RALGAPA1: variants seen among roughly 807,000 people sequenced by gnomAD.
RALGAPA1 encodes Ral GTPase activating protein catalytic subunit alpha 1.
Under a neutral mutation model 269.6 loss-of-function variants are expected in RALGAPA1, and 52 were observed. That is an observed-to-expected ratio of 0.19 (90% CI 0.15 to 0.24). The LOEUF (loss-of-function observed/expected upper bound fraction) is 0.24, where lower values mean the gene tolerates loss of function less well. Ranked by LOEUF, RALGAPA1 falls within the 10% of genes least tolerant of loss-of-function variation. The probability of loss-of-function intolerance (pLI) is 1.00; values close to 1 mark genes in which losing one functional copy is unlikely to be tolerated. For synonymous variants in RALGAPA1, 817 were observed against 1,008.3 expected, an observed-to-expected ratio of 0.81 and a Z score of 3.60; for missense variants, 1,917 against 3,013.9, an observed-to-expected ratio of 0.64 and a Z score of 8.52.
chr14:35,648,622 C>G (rs535711405), intron 31 of RALGAPA1, among the ~76,000 whole-genome samples: 1 of 151,262 alleles, frequency 6.6e-6, no homozygotes, highest in African/African-American at 2.4e-5. Flanking sequence ...GGCAACATAG[C>G]AAAACCCCAT....
intron 3 of RALGAPA1, among the ~76,000 whole-genome samples, chr14:35,773,069 A>G (rs2074756720): frequency 6.6e-6 from 1 of 152,234 alleles, no homozygotes; most frequent in South Asian, 2.1e-4. Context: ...AAAGAGATAA[A>G]CTTATAGAAA....
chr14:35,587,381 A>G (rs187313799), intron 37 of RALGAPA1, among the ~76,000 whole-genome samples: 3 of 152,330 alleles, frequency 2.0e-5, no homozygotes, highest in Middle Eastern at 3.4e-3. Flanking sequence ...GTATACCCAA[A>G]GAAGTATAAA....
At chr14:35,636,380 G>C (rs2061665054) in intron 31 of RALGAPA1, among the ~76,000 whole-genome samples, 1 of 152,070 alleles carries the variant, frequency 6.6e-6, no homozygotes, top group Non-Finnish European at 1.5e-5. Flanking sequence ...TCCAACTCAA[G>C]TAATTCTGGT....
intron 12 of RALGAPA1, among the ~76,000 whole-genome samples, chr14:35,730,254 G>GCAGGC (rs2070350991): frequency 1.3e-5 from 2 of 152,194 alleles, no homozygotes; most frequent in South Asian, 4.1e-4. Flanking sequence ...GGGTCCCCAG[G>GCAGGC]CAGGCCATTC....
chr14:35,628,108 C>T (rs1299222269), intron 33 of RALGAPA1, among the ~76,000 whole-genome samples, 157 bp from the exon 34 acceptor site: 1 of 152,064 alleles, frequency 6.6e-6, no homozygotes, highest in Non-Finnish European at 1.5e-5. Context: ...AGGAGGAAAA[C>T]CATTCTTTGA....
rs550031179 is a variant in RALGAPA1 at position 35,723,013 on chromosome 14, T to C, written c.2104+14A>G. The C allele has an allele frequency of 1.3e-6, 2 of 1,543,108 alleles. No homozygotes were observed. Among genetic ancestry groups the C allele is most frequent in the East Asian group, 2.3e-5 (1 of 44,382 alleles). ...AACAAATTTATATAGAGCATCTCTA[T>C]GAACAATTCTTACCTTTCCCTTTGT... On this transcript the variant is annotated intron_variant, in intron 15 of 41. Coordinates refer to ENST00000680220, the MANE Select transcript of RALGAPA1 (RefSeq NM_001346249.2).
At chr14:35,676,533 T>C (rs2064965947) in intron 22 of RALGAPA1, 1 of 152,258 alleles carries the variant, frequency 6.6e-6, no homozygotes, top group African/African-American at 2.4e-5. Context: ...TTTATTGGAT[T>C]GCTGACGGTG....
chr14:35,747,984 A>C (rs2141221215), intron 10 of RALGAPA1, among the ~76,000 whole-genome samples: 1 of 152,084 alleles, frequency 6.6e-6, no homozygotes, highest in African/African-American at 2.4e-5. Flanking sequence ...CTAAGCCTTG[A>C]GGGTAAAAGC....
chr14:35,597,069 G>C (rs1179984800), intron 36 of RALGAPA1, among the ~76,000 whole-genome samples: 1 of 152,092 alleles, frequency 6.6e-6, no homozygotes, highest in Non-Finnish European at 1.5e-5. Context: ...CTACTTGAAG[G>C]ACATTTAGGT....
intron 15 of RALGAPA1, among the ~76,000 whole-genome samples, chr14:35,722,724 T>C (rs1567089478): frequency 6.6e-6 from 1 of 152,164 alleles, no homozygotes. Flanking sequence ...CAGATACATA[T>C]TTCATGTCTA....
At position 35,607,283 on chromosome 14, in the gene RALGAPA1, T is replaced by TAA. The variant is rs2059658264; in HGVS notation, c.6930-1575_6930-1574insTT. Among the ~76,000 whole-genome samples, 3 of 152,230 alleles carry TAA rather than the reference T, an allele frequency of 2.0e-5. 1 individual carries two copies. The highest frequency in any genetic ancestry group is 4.4e-5 in the Non-Finnish European group (3 of 68,038). The stretch of plus-strand genomic sequence containing the variant: ...TGCAGAAGTTTTGCCCTGGGCATTC[T>TAA]ACTCAGGCCTAGAAGACAGAGGTTC... On this transcript the variant is annotated intron_variant, in intron 35 of 41. Transcript: ENST00000680220.
chr14:35,552,861 G>C (rs887423159), intron 39 of RALGAPA1, among the ~76,000 whole-genome samples: 1 of 152,116 alleles, frequency 6.6e-6, no homozygotes, highest in Non-Finnish European at 1.5e-5. Flanking sequence ...AATGTCTATA[G>C]CGTAAAGAAA....
chr14:35,796,258 A>T (rs142774497), intron 1 of RALGAPA1, among the ~76,000 whole-genome samples: 1 of 152,346 alleles, frequency 6.6e-6, no homozygotes, highest in East Asian at 1.9e-4. Flanking sequence ...TAAACTAGAT[A>T]GAATGGCAGA....
intron 17 of RALGAPA1, among the ~76,000 whole-genome samples, chr14:35,696,450 T>C (rs892073933): frequency 6.6e-6 from 1 of 152,196 alleles, no homozygotes; most frequent in South Asian, 2.1e-4. Context: ...GGTTAGTCTA[T>C]AGCTGTATAT....
At chr14:35,551,744 C>G (rs1005090172) in intron 39 of RALGAPA1, among the ~76,000 whole-genome samples, 2 of 151,948 alleles carry the variant, frequency 1.3e-5, no homozygotes, top group African/African-American at 4.8e-5. Flanking sequence ...CTTCCTTATA[C>G]AAAGAGGCTT....
intron 19 of RALGAPA1, among the ~76,000 whole-genome samples, chr14:35,686,057 G>A (rs887341586): frequency 6.6e-6 from 1 of 151,904 alleles, no homozygotes; most frequent in Non-Finnish European, 1.5e-5. Flanking sequence ...ATTTGTGCTA[G>A]CAAAACTATG....
intron 37 of RALGAPA1, among the ~76,000 whole-genome samples, chr14:35,583,659 T>G (rs990182087): frequency 6.6e-6 from 1 of 152,028 alleles, no homozygotes; most frequent in Non-Finnish European, 1.5e-5. Context: ...GTGCATCACA[T>G]TTAAACTTGG....
At chr14:35,721,450 G>A (rs1005046316) in intron 16 of RALGAPA1, among the ~76,000 whole-genome samples, 1 of 151,896 alleles carries the variant, frequency 6.6e-6, no homozygotes, top group African/African-American at 2.4e-5. Flanking sequence ...TTAATATTAG[G>A]GCTCTCTACA....
At chr14:35,655,389 A>G (rs918797239) in intron 29 of RALGAPA1, among the ~76,000 whole-genome samples, 1 of 152,100 alleles carries the variant, frequency 6.6e-6, no homozygotes, top group African/African-American at 2.4e-5. Flanking sequence ...TTGTCTGTCT[A>G]CAAAGAAGGC....
Sources: allele counts gnomAD v4.1 joint callset (sites outside exome capture counted in the v4.1 genomes callset), GRCh38; gene constraint gnomAD v4.1.1; transcripts MANE v1.5; gene names NCBI Gene and HGNC (gene_info 2026-07-23, HGNC 2026-07-21).